The following ENOX1 variants were observed in gnomAD, a reference collection of about 807,000 sequenced individuals.
ENOX1 encodes the protein ecto-NOX disulfide-thiol exchanger 1.
Under a neutral mutation model 82.5 loss-of-function variants are expected in ENOX1, and 42 were observed. The ratio of observed to expected loss-of-function variants is 0.51; its 90% CI spans 0.40 to 0.66. ENOX1 has a LOEUF of 0.66. Ranked by LOEUF, ENOX1 falls within the 30% of genes least tolerant of loss-of-function variation. ENOX1 has a pLI of 0.00. For missense variants in ENOX1, 608 were observed against 811.6 expected, an observed-to-expected ratio of 0.75 and a Z score of 3.05; for synonymous variants, 271 against 282.2, an observed-to-expected ratio of 0.96 and a Z score of 0.40.
chr13:43,324,582 G>GA (rs755560716), intron 10 of ENOX1, among the ~76,000 whole-genome samples: 5 of 152,272 alleles, frequency 3.3e-5, no homozygotes, highest in Non-Finnish European at 7.4e-5. Context: ...ACATGCAAGA[G>GA]AAAATCACAG....
chr13:43,372,942 CA>C (rs71099832), intron 5 of ENOX1, among the ~76,000 whole-genome samples: 34 of 144,478 alleles, frequency 2.4e-4, no homozygotes, highest in South Asian at 6.6e-4. Context: ...TCTTCATCTG[CA>C]AAAAAAAAAG....
chr13:43,628,387 T>C (rs2083061488), intron 2 of ENOX1, among the ~76,000 whole-genome samples: 1 of 152,222 alleles, frequency 6.6e-6, no homozygotes, highest in Non-Finnish European at 1.5e-5. Context: ...CACTATGCTG[T>C]TGAGTCTATC....
At chr13:43,775,739 G>T (rs996678061) in intron 1 of ENOX1, among the ~76,000 whole-genome samples, 10 of 152,038 alleles carry the variant, frequency 6.6e-5, no homozygotes, top group African/African-American at 2.4e-4. Context: ...AAGCTGCTAG[G>T]GGGGCCTACA....
At chr13:43,290,368 C>T (rs1387115867) in intron 12 of ENOX1, among the ~76,000 whole-genome samples, 1 of 150,312 alleles carries the variant, frequency 6.7e-6, no homozygotes, top group Non-Finnish European at 1.5e-5. Flanking sequence ...ATGGGATATA[C>T]ATATATATAT....
intron 3 of ENOX1, among the ~76,000 whole-genome samples, chr13:43,438,301 G>A (rs1199677094): frequency 6.6e-6 from 1 of 152,142 alleles, no homozygotes; most frequent in African/African-American, 2.4e-5. Flanking sequence ...TCTATTTGGA[G>A]GTAATTATGG....
chr13:43,251,202 T>C (rs919956117), intron 14 of ENOX1, among the ~76,000 whole-genome samples: 2 of 152,252 alleles, frequency 1.3e-5, no homozygotes, highest in African/African-American at 2.4e-5. Flanking sequence ...AGTTGGATGA[T>C]GTGATCTCTA....
At chr13:43,233,172 C>T (rs2042367206) in intron 15 of ENOX1, among the ~76,000 whole-genome samples, 1 of 152,184 alleles carries the variant, frequency 6.6e-6, no homozygotes, top group Admixed American at 6.5e-5. Context: ...AAACAAAATG[C>T]TACCCTGCAA....
intron 12 of ENOX1, among the ~76,000 whole-genome samples, chr13:43,281,533 T>C (rs1208987941): frequency 2.0e-5 from 3 of 151,240 alleles, no homozygotes; most frequent in Non-Finnish European, 3.0e-5. Context: ...ACACTTATTA[T>C]TAATATCCAC....
At chr13:43,680,515 T>A (rs1394618247) in intron 1 of ENOX1, among the ~76,000 whole-genome samples, 4 of 152,140 alleles carry the variant, frequency 2.6e-5, no homozygotes, top group Admixed American at 6.6e-5. Context: ...GCAGCAAGAC[T>A]GAGTGCATAG....
At position 43,356,123 on chromosome 13, in the gene ENOX1, C is replaced by T. The variant is rs1378579950; in HGVS notation, c.619G>A (p.Asp207Asn). 3 of 1,613,996 alleles carry T rather than the reference C, an allele frequency of 1.9e-6. No individual in the cohort carries two copies. Among genetic ancestry groups the T allele is most frequent in the African/African-American group, 1.3e-5 (1 of 74,896 alleles). ...GYRMRLGSST[D>N]KKDSGRLHVD... Reference sequence around the variant, plus strand: ...TGAAGGCGGCCTGAATCCTTTTTGTCGGTGCTAGACCCTAATCGCATCCTA... The same window carrying T: ...TGAAGGCGGCCTGAATCCTTTTTGTTGGTGCTAGACCCTAATCGCATCCTA... The change falls in exon 8 of 17, where the codon GAC (aspartate) becomes AAC (asparagine). Residue 207 changes from aspartate (D) to asparagine (N), a missense_variant. Coordinates refer to ENST00000690772, the MANE Select transcript of ENOX1 (RefSeq NM_001347969.2).
chr13:43,401,694 A>T (rs1298145434), intron 5 of ENOX1, among the ~76,000 whole-genome samples: 1 of 152,176 alleles, frequency 6.6e-6, no homozygotes, highest in African/African-American at 2.4e-5. Flanking sequence ...CTCACAAAGG[A>T]CAGGGAGTAG....
intron 2 of ENOX1, among the ~76,000 whole-genome samples, chr13:43,619,664 T>C (rs1353257564): frequency 2.0e-5 from 3 of 152,300 alleles, no homozygotes; most frequent in East Asian, 3.9e-4. Flanking sequence ...GGTATTTTGT[T>C]AAGGATTTTG....
intron 11 of ENOX1, among the ~76,000 whole-genome samples, chr13:43,311,127 C>T (rs904677392): frequency 6.6e-6 from 1 of 151,986 alleles, no homozygotes; most frequent in Admixed American, 6.5e-5. Flanking sequence ...CTGAGAGACA[C>T]ACTCGACATA....
chr13:43,754,195 A>G (rs1950506937), intron 1 of ENOX1, among the ~76,000 whole-genome samples: 3 of 138,092 alleles, frequency 2.2e-5, no homozygotes, highest in South Asian at 4.7e-4. Flanking sequence ...GTATATATAC[A>G]TATGTATATG....
At chr13:43,317,812 T>C (rs1052791418) in intron 11 of ENOX1, among the ~76,000 whole-genome samples, 21 of 151,882 alleles carry the variant, frequency 1.4e-4, no homozygotes, top group African/African-American at 4.3e-4. Flanking sequence ...GAGACCATCC[T>C]GGCTAACACG....
At chr13:43,761,630 T>C (rs913435670) in intron 1 of ENOX1, among the ~76,000 whole-genome samples, 3 of 152,246 alleles carry the variant, frequency 2.0e-5, no homozygotes, top group Non-Finnish European at 4.4e-5. Context: ...GAGCCTTTCC[T>C]TGCTCTTCAA....
chr13:43,228,761 G>C (rs2042139422), intron 15 of ENOX1, among the ~76,000 whole-genome samples: 1 of 152,226 alleles, frequency 6.6e-6, no homozygotes, highest in Non-Finnish European at 1.5e-5. Context: ...GTATAAGATA[G>C]GCAAGGGGCT....
chr13:43,341,187 C>T (rs1238042760), intron 9 of ENOX1, among the ~76,000 whole-genome samples: 1 of 151,970 alleles, frequency 6.6e-6, no homozygotes, highest in African/African-American at 2.4e-5. Context: ...GTCCCAGCTA[C>T]TCGGGAGGCT....
At chr13:43,374,664 T>C (rs1015999208) in intron 5 of ENOX1, among the ~76,000 whole-genome samples, 14 of 152,248 alleles carry the variant, frequency 9.2e-5, no homozygotes, top group African/African-American at 3.1e-4. Context: ...TTTTGAATTG[T>C]TACTATGCTT....
Sources: gnomAD v4.1 joint callset for allele counts (sites outside exome capture counted in the v4.1 genomes callset) on GRCh38, gnomAD v4.1.1 for gene constraint, MANE v1.5 for transcripts, NCBI Gene and HGNC (gene_info 2026-07-23, HGNC 2026-07-21) for gene names.